GPR153: variants seen among roughly 807,000 people sequenced by gnomAD.
The protein encoded by GPR153 is probable G protein-coupled receptor 153.
In GPR153, 27 loss-of-function variants were observed where a neutral mutation model predicts 34.1. The ratio of observed to expected loss-of-function variants is 0.79; its 90% CI spans 0.58 to 1.09. The LOEUF is 1.09. Among genes scored for constraint, GPR153 ranks in the 50% least tolerant of loss-of-function variants. GPR153 has a pLI of 0.00. For missense variants in GPR153, 848 were observed against 860.2 expected, an observed-to-expected ratio of 0.99 and a Z score of 0.18; for synonymous variants, 408 against 405.4, an observed-to-expected ratio of 1.01 and a Z score of -0.08.
chr1:6,251,592 T>A lies in GPR153; in HGVS notation c.787-62A>T. Reference sequence around the variant, plus strand: ...CCCCCACCATCACACAAGCTCCCCCTGAGTCTCGGTCTCCCCATGTGTACG... The same window carrying A: ...CCCCCACCATCACACAAGCTCCCCCAGAGTCTCGGTCTCCCCATGTGTACG... On this transcript the variant is annotated intron_variant, in intron 3 of 5. Coordinates refer to ENST00000377893, the MANE Select transcript of GPR153 (RefSeq NM_207370.4). The surrounding 1 kb of genome is among the most constrained non-coding windows in gnomAD (Gnocchi z 4.9). The A allele has an allele frequency of 6.8e-7, 1 of 1,467,280 alleles. No homozygotes were observed. Among genetic ancestry groups the A allele is most frequent in the Non-Finnish European group, 9.1e-7 (1 of 1,104,744 alleles). The allele number at this position is 1,467,280 out of a possible 1,614,324, so 90.9% of individuals were successfully genotyped here. A position where few individuals can be genotyped will look rare whatever the true frequency, so the allele number is the denominator to read the frequency against.
chr1:6,256,388 T>A (rs867498473), intron 1 of GPR153, among the ~76,000 whole-genome samples: 8 of 151,582 alleles, frequency 5.3e-5, no homozygotes, highest in African/African-American at 1.9e-4. Flanking sequence ...TTTTTTTTTT[T>A]TAGACAGAGT....
rs866761789 is a variant in GPR153 at position 6,249,484 on chromosome 1, G to A, written c.1684C>T (p.Arg562Cys). The change falls in exon 6 of 6, where the codon CGC (arginine) becomes TGC (cysteine). Residue 562 changes from arginine (R) to cysteine (C), a missense_variant. Arg to Cys is a radical substitution (Grantham distance 180). Transcript: ENST00000377893. This position sits in a 1 kb window ranked among gnomAD's most constrained non-coding sequence, Gnocchi z 4.3. The part of the protein sequence containing the change: ...PSAHSHAGSL[R>C]PGLSASWGEP... ...CCCCACGACGCGCTCAGGCCGGGGC[G>A]CAGAGAGCCGGCGTGCGAGTGCGCA... 9.6e-5 allele frequency: 124 copies of A among 1,290,278 alleles called. 1 individual carries two copies. In the Middle Eastern group the frequency reaches 1.8e-3, roughly 18 times the overall value. 79.9% of individuals were successfully genotyped at this position (1,290,278 alleles called of 1,614,324 possible). A position where few individuals can be genotyped will look rare whatever the true frequency, so the allele number is the denominator to read the frequency against.
intron 3 of GPR153, among the ~76,000 whole-genome samples, chr1:6,253,447 G>A (rs940529037): frequency 2.0e-5 from 3 of 152,140 alleles, no homozygotes; most frequent in African/African-American, 7.2e-5. Flanking sequence ...AATGGGCCTT[G>A]GGCAAGGGGA....
intron 1 of GPR153, among the ~76,000 whole-genome samples, chr1:6,256,257 GCA>G (rs1235329329): frequency 6.6e-6 from 1 of 152,044 alleles, no homozygotes; most frequent in Non-Finnish European, 1.5e-5. Flanking sequence ...CATCTTTGAA[GCA>G]CAGACCAGGC....
chr1:6,256,561 G>A (rs1638572723), intron 1 of GPR153, among the ~76,000 whole-genome samples: 1 of 151,834 alleles, frequency 6.6e-6, no homozygotes, highest in South Asian at 2.1e-4. Flanking sequence ...GTAGTAACAG[G>A]GTTTAACCAT....
chr1:6,251,456 C>A lies in GPR153; in HGVS notation c.861G>T (p.Val287=), dbSNP rs1430232590. The A allele has an allele frequency of 6.2e-7, 1 of 1,613,236 alleles. No homozygotes were observed. Among genetic ancestry groups the A allele is most frequent in the Admixed American group, 1.7e-5 (1 of 60,012 alleles). Residue 287 remains valine, a synonymous_variant, in exon 4 of 6, where the codon GTG becomes GTT. Transcript: ENST00000377893. The surrounding 1 kb of genome is among the most constrained non-coding windows in gnomAD (Gnocchi z 4.9). ...ACACAGGCAGCAGCAGGGCCTGGGC[C>A]ACGGAGCACCACAGCACGCAGAGTG... ...WMALCVLWCS[V]AQALLLPVFL...
In GPR153 at chr1:6,248,231, A is replaced by G. The variant is rs1638344597; in HGVS notation, c.*1107T>C. ...TGCCCAGGATGGAAGGCAAAGAAATACATTGCTCCCAGGGGTTGGACGCCT... is the reference window on the plus strand; with the variant it reads ...TGCCCAGGATGGAAGGCAAAGAAATGCATTGCTCCCAGGGGTTGGACGCCT... On this transcript the variant is annotated 3_prime_UTR_variant, in exon 6 of 6. Coordinates refer to ENST00000377893, the MANE Select transcript of GPR153 (RefSeq NM_207370.4). 1 of 152,266 alleles carries G rather than the reference A, an allele frequency of 6.6e-6. No individual in the cohort carries two copies. Among genetic ancestry groups the G allele is most frequent in the Non-Finnish European group, 1.5e-5 (1 of 68,104 alleles). The allele number at this position is 152,266 out of a possible 1,614,324, so 9.4% of individuals were successfully genotyped here. A position where few individuals can be genotyped will look rare whatever the true frequency, so the allele number is the denominator to read the frequency against.
In GPR153 at chr1:6,249,959, C is replaced by T; in HGVS notation, c.1209G>A (p.Trp403Ter). 1 of 1,283,372 alleles carries T rather than the reference C, an allele frequency of 7.8e-7. No individual in the cohort carries two copies. The highest frequency in any genetic ancestry group is 9.9e-7 in the Non-Finnish European group (1 of 1,010,054). The allele number at this position is 1,283,372 out of a possible 1,614,324, so 79.5% of individuals were successfully genotyped here. A position where few individuals can be genotyped will look rare whatever the true frequency, so the allele number is the denominator to read the frequency against. Residue 403 changes from tryptophan (W) to a stop codon, truncating the protein, a stop_gained, in exon 6 of 6, where the codon TGG (tryptophan) becomes TGA (stop). Coordinates refer to ENST00000377893, the MANE Select transcript of GPR153 (RefSeq NM_207370.4). LOFTEE classifies it low-confidence loss of function (END_TRUNC). This position sits in a 1 kb window ranked among gnomAD's most constrained non-coding sequence, Gnocchi z 4.3. ...GGAAGGCGGGCAGCGGGACGGCGGC[C>T]CACACGTCCGCATCGTCGTGGGAGA... ...RRFSHDDADV[W>*]AAVPLPAFLP...
chr1:6,254,041 G>A lies in GPR153; in HGVS notation c.463C>T (p.Arg155Cys), dbSNP rs910133358. The change falls in exon 3 of 6, where the codon CGC becomes TGC. Residue 155 changes from arginine (R) to cysteine (C), a missense_variant. Coordinates refer to ENST00000377893, the MANE Select transcript of GPR153 (RefSeq NM_207370.4). ...AAGCGGCAGCCATGGGTGTAGAAGCGCTCGCTGGTGTCGTGCCAGCCAACG... is the reference window on the plus strand; with the variant it reads ...AAGCGGCAGCCATGGGTGTAGAAGCACTCGCTGGTGTCGTGCCAGCCAACG... ...PAVGWHDTSE[R>C]FYTHGCRFIV... The A allele has an allele frequency of 1.7e-5, 28 of 1,613,280 alleles. No individual in the cohort carries two copies. Among genetic ancestry groups the A allele is most frequent in the African/African-American group, 4.0e-5 (3 of 74,910 alleles).
Position 6,253,924 on chromosome 1 carries a change from C to T in GPR153, c.580G>A (p.Ala194Thr), listed in dbSNP as rs61739500. ...TGCACGGCCAGCGTCTGGAAGAGGG[C>T]GATGGCTGTGCAGATCACGCCCATG... The part of the protein sequence containing the change: ...VAMGVICTAI[A>T]LFQTLAVQVG... The change falls in exon 3 of 6, where the codon GCC (alanine) becomes ACC (threonine). Residue 194 changes from alanine (A) to threonine (T), a missense_variant. Physicochemically the swap from Ala to Thr is moderately conservative, Grantham distance 58 (BLOSUM62 0). Coordinates refer to ENST00000377893, the MANE Select transcript of GPR153 (RefSeq NM_207370.4). The T allele has an allele frequency of 3.7e-6, 6 of 1,610,570 alleles. No individual in the cohort carries two copies. The highest frequency in any genetic ancestry group is 1.7e-5 in the Admixed American group (1 of 59,592).
chr1:6,254,463 C>T, intron 2 of GPR153, 87 bp downstream of exon 2: 1 of 1,232,954 alleles, frequency 8.1e-7, no homozygotes, highest in Non-Finnish European at 1.1e-6. Flanking sequence ...GGTGTGGCCA[C>T]TCCTGTGTGC....
chr1:6,260,382 C>CA (rs1283070888), intron 1 of GPR153, among the ~76,000 whole-genome samples: 2 of 55,706 alleles, frequency 3.6e-5, no homozygotes, highest in Non-Finnish European at 7.7e-5. Flanking sequence ...CCGATCCCCC[C>CA]CCCCCCCCGC....
At chr1:6,255,131 C>G in intron 1 of GPR153, 117 bp from the exon 2 acceptor site, 1 of 427,632 alleles carries the variant, frequency 2.3e-6, no homozygotes. Flanking sequence ...CCCTGCAAAA[C>G]TCATGTTGAA....
chr1:6,253,972 G>T lies in GPR153; in HGVS notation c.532C>A (p.Leu178Met). Reference protein sequence around the residue: ...IGLGFGVCFLLLVGGSVAMGV... With the variant: ...IGLGFGVCFLMLVGGSVAMGV... Reference sequence around the variant, plus strand: ...ATGGCCACGCTGCCGCCCACCAGCAGCAGGAAGCAGACGCCAAAGCCCAGG... The same window carrying T: ...ATGGCCACGCTGCCGCCCACCAGCATCAGGAAGCAGACGCCAAAGCCCAGG... Residue 178 changes from leucine (L) to methionine (M), a missense_variant, in exon 3 of 6, where the codon CTG becomes ATG. By Grantham distance (15) the Leu-to-Met change is conservative (BLOSUM62 2). Coordinates refer to ENST00000377893, the MANE Select transcript of GPR153 (RefSeq NM_207370.4). 1.9e-6 allele frequency: 3 copies of T among 1,613,022 alleles called. No individual in the cohort carries two copies. The highest frequency in any genetic ancestry group is 2.5e-6 in the Non-Finnish European group (3 of 1,179,832).
chr1:6,249,914 G>C lies in GPR153; in HGVS notation c.1254C>G (p.Gly418=), dbSNP rs113702368. Residue 418 remains glycine (G), a synonymous_variant, in exon 6 of 6, where the codon GGC becomes GGG. Coordinates refer to ENST00000377893, the MANE Select transcript of GPR153 (RefSeq NM_207370.4). This position sits in a 1 kb window ranked among gnomAD's most constrained non-coding sequence, Gnocchi z 4.3. ...GGTGCGCCAGGGCGGCCAGGTCCTC[G>C]CCGGAGCCCCAGCGCGGCAGGAAGG... is the stretch of plus-strand genomic sequence containing the variant. ...LPAFLPRWGS[G]EDLAALAHLV... is the part of the protein sequence containing the mutation. The C allele has an allele frequency of 4.7e-6, 6 of 1,286,974 alleles. No individual in the cohort carries two copies. In the East Asian group the frequency reaches 1.9e-4, roughly 40 times the overall value. 79.7% of individuals were successfully genotyped at this position (1,286,974 alleles called of 1,614,324 possible). A position where few individuals can be genotyped will look rare whatever the true frequency, so the allele number is the denominator to read the frequency against.
chr1:6,249,359 G>T lies in GPR153; in HGVS notation c.1809C>A (p.Asp603Glu). 2 of 1,330,616 alleles carry T rather than the reference G, an allele frequency of 1.5e-6. No individual in the cohort carries two copies. Among genetic ancestry groups the T allele is most frequent in the Non-Finnish European group, 1.9e-6 (2 of 1,043,696 alleles). The allele number at this position is 1,330,616 out of a possible 1,614,324, so 82.4% of individuals were successfully genotyped here. A position where few individuals can be genotyped will look rare whatever the true frequency, so the allele number is the denominator to read the frequency against. The change falls in exon 6 of 6, where the codon GAC becomes GAA. Residue 603 changes from aspartate (D) to glutamate (E), a missense_variant. Coordinates refer to ENST00000377893, the MANE Select transcript of GPR153 (RefSeq NM_207370.4). This position sits in a 1 kb window ranked among gnomAD's most constrained non-coding sequence, Gnocchi z 4.3. Reference protein sequence around the residue: ...ESSGYATLHSDSLGSAS With the variant: ...ESSGYATLHSESLGSAS ...GGTCCTAGGACGCGGAGCCCAGCGA[G>T]TCCGAGTGCAGCGTGGCGTAGCCCG...
chr1:6,251,689 G>T lies in GPR153; in HGVS notation c.787-159C>A, dbSNP rs1199582005. ...GAGAAAAGAGCTGGAGCGTGGCAGT[G>T]GGAGGCCCCGCCTTCCGGGAGCTAC... is the stretch of plus-strand genomic sequence containing the variant. On this transcript the variant is annotated intron_variant, in intron 3 of 5. Transcript: ENST00000377893. The surrounding 1 kb of genome is among the most constrained non-coding windows in gnomAD (Gnocchi z 4.9). The T allele has an allele frequency of 5.0e-6, 2 of 400,352 alleles. No homozygotes were observed. The highest frequency in any genetic ancestry group is 1.6e-4 in the East Asian group (1 of 6,258). 24.8% of individuals were successfully genotyped at this position (400,352 alleles called of 1,614,324 possible).
rs1638389091 is a variant in GPR153, at chr1:6,249,597, G to C, written c.1571C>G (p.Ala524Gly). ...TGCGCCGTCGGGGGCGGCGGGCGCA[G>C]CGGGGAAGGGCCCGGGCGGGCGGCG... ...ALRRPPGPFP[A>G]APAAPDGADP... is the part of the protein sequence containing the mutation. The change falls in exon 6 of 6, where the codon GCT (alanine) becomes GGT (glycine). Residue 524 changes from alanine to glycine, a missense_variant. Ala to Gly is a moderately conservative substitution (Grantham distance 60). Transcript: ENST00000377893. This position sits in a 1 kb window ranked among gnomAD's most constrained non-coding sequence, Gnocchi z 4.3. 1.3e-5 allele frequency: 15 copies of C among 1,153,272 alleles called. No individual in the cohort carries two copies. Among genetic ancestry groups the C allele is most frequent in the Non-Finnish European group, 1.6e-5 (15 of 938,064 alleles). 71.4% of individuals were successfully genotyped at this position (1,153,272 alleles called of 1,614,324 possible).
Position 6,249,887 on chromosome 1 carries a change from C to G in GPR153, c.1281G>C (p.Leu427=). ...GCCGCTCGGGCCCGGCAGGCAGCAC[C>G]AGGTGCGCCAGGGCGGCCAGGTCCT... ...SGEDLAALAH[L]VLPAGPERRR... Residue 427 remains leucine, a synonymous_variant, in exon 6 of 6, where the codon CTG becomes CTC. Transcript: ENST00000377893. This position sits in a 1 kb window ranked among gnomAD's most constrained non-coding sequence, Gnocchi z 4.3. The G allele has an allele frequency of 7.7e-7, 1 of 1,293,826 alleles. No individual in the cohort carries two copies. The highest frequency in any genetic ancestry group is 9.8e-7 in the Non-Finnish European group (1 of 1,017,280). The allele number at this position is 1,293,826 out of a possible 1,614,324, so 80.1% of individuals were successfully genotyped here.
Sources: allele counts gnomAD v4.1 joint callset (sites outside exome capture counted in the v4.1 genomes callset), GRCh38; gene constraint gnomAD v4.1.1; non-coding constraint Gnocchi (gnomAD v3.1); transcripts MANE v1.5; gene names NCBI Gene and HGNC (gene_info 2026-07-23, HGNC 2026-07-21).